The following SPAG16 variants were observed in gnomAD, a reference collection of about 807,000 sequenced individuals.
SPAG16 encodes sperm associated antigen 16, also known as sperm-associated antigen 16 protein.
Under a neutral mutation model 80.4 loss-of-function variants are expected in SPAG16, and 86 were observed. That is an observed-to-expected ratio of 1.07 (90% confidence interval 0.90 to 1.28). The LOEUF (loss-of-function observed/expected upper bound fraction) is 1.28. Ranked by LOEUF, SPAG16 falls within the 50% of genes most tolerant of loss-of-function variation. SPAG16 has a pLI of 0.00. For missense variants in SPAG16, 870 were observed against 765.3 expected (o/e 1.14, Z -1.61); for synonymous variants, 294 against 265.9 (o/e 1.11, Z -1.03).
intron 6 of SPAG16, 145 bp downstream of exon 6, chr2:213,340,415 G>C (rs984127113): frequency 3.2e-6 from 2 of 633,266 alleles, no homozygotes; most frequent in African/African-American, 3.8e-5. Context: ...GCTGTCAAGG[G>C]TCTCAGAAAA....
chr2:214,133,540 C>T (rs940126312), intron 14 of SPAG16, among the ~76,000 whole-genome samples: 23 of 152,020 alleles, frequency 1.5e-4, no homozygotes, highest in African/African-American at 5.6e-4. Context: ...GCCTGTAATC[C>T]CAGCTACTCC....
intron 10 of SPAG16, among the ~76,000 whole-genome samples, chr2:213,671,219 A>G (rs950310132): frequency 6.6e-6 from 1 of 152,214 alleles, no homozygotes; most frequent in African/African-American, 2.4e-5. Flanking sequence ...AGCTAAATAA[A>G]ATTTATAAAT....
intron 7 of SPAG16, among the ~76,000 whole-genome samples, chr2:213,361,286 G>T (rs1467172683): frequency 6.6e-6 from 1 of 151,106 alleles, no homozygotes; most frequent in Admixed American, 6.6e-5. Flanking sequence ...AAATAGAATT[G>T]ATTTGTAGGT....
At chr2:213,342,686 T>A (rs79283419) in intron 6 of SPAG16, among the ~76,000 whole-genome samples, 10,488 of 152,074 alleles carry the variant, frequency 0.069, 566 homozygotes, top group South Asian at 0.13. Context: ...TGCTTTGGGC[T>A]ATGTCATTGT....
chr2:213,673,244 T>G (rs539773639), intron 10 of SPAG16, among the ~76,000 whole-genome samples: 21 of 152,272 alleles, frequency 1.4e-4, no homozygotes, highest in African/African-American at 4.3e-4. Flanking sequence ...TAAAGAGATA[T>G]TTTAAGAATA....
At chr2:213,478,670 CACATTAAT>C (rs151167157) in intron 9 of SPAG16, among the ~76,000 whole-genome samples, 4,168 of 152,212 alleles carry the variant, frequency 0.027, 89 homozygotes, top group African/African-American at 0.055. Context: ...CTGCTATTTG[CACATTAAT>C]ACATTAATAC....
chr2:214,039,069 T>G (rs200289062), intron 13 of SPAG16, among the ~76,000 whole-genome samples: 3 of 152,170 alleles, frequency 2.0e-5, no homozygotes, highest in East Asian at 1.9e-4. Flanking sequence ...GTAATGGGAT[T>G]GCTGGGTCAA....
At chr2:214,256,831 G>A (rs974049534) in intron 15 of SPAG16, among the ~76,000 whole-genome samples, 1 of 151,148 alleles carries the variant, frequency 6.6e-6, no homozygotes, top group Admixed American at 6.6e-5. Context: ...ATTATAATAA[G>A]TCTTAAAGTC....
intron 13 of SPAG16, among the ~76,000 whole-genome samples, chr2:214,090,952 C>T (rs896202618): frequency 6.6e-6 from 1 of 151,972 alleles, no homozygotes; most frequent in African/African-American, 2.4e-5. Flanking sequence ...TCCAAAATCT[C>T]GCCATACTGG....
rs148607569 is a variant in SPAG16 at position 213,633,270 on chromosome 2, G to A, written c.1070+143180G>A. Among the ~76,000 whole-genome samples, 894 of 152,158 alleles carry A rather than the reference G, an allele frequency of 5.9e-3. 1 individual carries two copies. The highest frequency in any genetic ancestry group is 9.0e-3 in the Non-Finnish European group (614 of 67,924). On this transcript the variant is annotated intron_variant, in intron 10 of 15. Transcript: ENST00000331683. ...TATGTTGGCATATAGTTGCTCACAC[G>A]AGCCACTAATGATCTTTTGAATTTC... is the stretch of plus-strand genomic sequence containing the variant.
At chr2:213,842,392 TA>T (rs2074404979) in intron 10 of SPAG16, among the ~76,000 whole-genome samples, 1 of 152,176 alleles carries the variant, frequency 6.6e-6, no homozygotes, top group East Asian at 1.9e-4. Context: ...GAACCAGGAG[TA>T]GTAAGAAATA....
At chr2:213,905,973 T>C (rs1412355299) in intron 11 of SPAG16, among the ~76,000 whole-genome samples, 2 of 152,202 alleles carry the variant, frequency 1.3e-5, no homozygotes, top group African/African-American at 2.4e-5. Flanking sequence ...GTCTAGCACA[T>C]TGTAATCAAC....
intron 12 of SPAG16, among the ~76,000 whole-genome samples, chr2:213,970,668 T>C (rs961484603): frequency 2.2e-4 from 34 of 152,234 alleles, no homozygotes; most frequent in African/African-American, 8.0e-4. Flanking sequence ...TCTGTAGGCA[T>C]ACCTTTTTAG....
intron 10 of SPAG16, among the ~76,000 whole-genome samples, chr2:213,734,497 A>G (rs969393781): frequency 6.6e-6 from 1 of 152,238 alleles, no homozygotes; most frequent in African/African-American, 2.4e-5. Context: ...GCTGCTAAAT[A>G]TGGACATGCT....
chr2:214,187,093 G>C (rs138927285), intron 15 of SPAG16, among the ~76,000 whole-genome samples: 1 of 152,140 alleles, frequency 6.6e-6, no homozygotes, highest in African/African-American at 2.4e-5. Flanking sequence ...GGGATAAATA[G>C]AAGCTTTCAA....
chr2:214,069,111 T>C (rs1030570954), intron 13 of SPAG16, among the ~76,000 whole-genome samples: 2 of 152,280 alleles, frequency 1.3e-5, no homozygotes, highest in Non-Finnish European at 2.9e-5. Context: ...ACAAATTTTC[T>C]GTGTGATTAT....
At chr2:213,503,482 A>G (rs1399396942) in intron 10 of SPAG16, among the ~76,000 whole-genome samples, 1 of 152,184 alleles carries the variant, frequency 6.6e-6, no homozygotes, top group Non-Finnish European at 1.5e-5. Flanking sequence ...ACCACCCCTC[A>G]TGCCCTTCAG....
chr2:213,668,253 TA>T (rs1255713641), intron 10 of SPAG16, among the ~76,000 whole-genome samples: 2 of 151,900 alleles, frequency 1.3e-5, no homozygotes, highest in African/African-American at 4.8e-5. Flanking sequence ...TTCTATTTTT[TA>T]AAAAGTATAT....
At position 214,183,209 on chromosome 2, in the gene SPAG16, A is replaced by T. The variant is rs550961601; in HGVS notation, c.1720+33943A>T. ...TATTTTTCTATTTGTGGTTATCTGA[A>T]CTCAGACTTAACCTGAAGCAGATCC... On this transcript the variant is annotated intron_variant, in intron 15 of 15. Transcript: ENST00000331683. Among the ~76,000 whole-genome samples the T allele has an allele frequency of 1.2e-4, 18 of 152,100 alleles. No individual in the cohort carries two copies. The South Asian group carries it at 3.1e-3, about 26-fold the overall frequency.
Sources: allele counts gnomAD v4.1 joint callset (sites outside exome capture counted in the v4.1 genomes callset), GRCh38; gene constraint gnomAD v4.1.1; transcripts MANE v1.5; gene names NCBI Gene and HGNC (gene_info 2026-07-23, HGNC 2026-07-21).